The following ZNF778 variants were observed in gnomAD, a reference collection of about 807,000 sequenced individuals.
ZNF778 encodes zinc finger protein 778.
In ZNF778, 37 loss-of-function variants were observed where a neutral mutation model predicts 23.9. The ratio of observed to expected loss-of-function variants is 1.54; its 90% CI spans 1.19 to 2.03. ZNF778 has a LOEUF of 2.03. ZNF778 is among the 30% of genes most tolerant of loss of function. The pLI is 0.00. For missense variants in ZNF778, 1,297 were observed against 934.4 expected, an observed-to-expected ratio of 1.39 and a Z score of -5.06; for synonymous variants, 483 against 343.9, an observed-to-expected ratio of 1.40 and a Z score of -4.48.
At chr16:89,220,069 G>C (rs546394545) in intron 1 of ZNF778, among the ~76,000 whole-genome samples, 8 of 152,326 alleles carry the variant, frequency 5.3e-5, no homozygotes, top group Non-Finnish European at 1.0e-4. Context: ...CTGAGGGTCA[G>C]GTCCTCTGGG....
In ZNF778 at chr16:89,227,520, A is replaced by G. The variant is rs776923701; in HGVS notation, c.1232A>G (p.His411Arg). ...AGAAATTCCTCATGCCTTAATAATC[A>G]TGTTCGAATTCACACTGGAATAAAA... ...YFRNSSCLNN[H>R]VRIHTGIKPY... Residue 411 changes from histidine (H) to arginine (R), a missense_variant, in exon 7 of 7, where the codon CAT becomes CGT. His to Arg is a conservative substitution (Grantham distance 29). Coordinates refer to ENST00000433976, the MANE Select transcript of ZNF778 (RefSeq NM_001201407.2). The G allele has an allele frequency of 1.2e-6, 2 of 1,613,988 alleles. No individual in the cohort carries two copies. Among genetic ancestry groups the G allele is most frequent in the South Asian group, 1.1e-5 (1 of 91,074 alleles).
chr16:89,232,913 C>G lies in ZNF778; in HGVS notation c.*4351C>G. The G allele has an allele frequency of 1.6e-6, 2 of 1,280,312 alleles. No homozygotes were observed. The highest frequency in any genetic ancestry group is 1.0e-6 in the Non-Finnish European group (1 of 985,498). 79.3% of individuals were successfully genotyped at this position (1,280,312 alleles called of 1,614,324 possible). On this transcript the variant is annotated 3_prime_UTR_variant, in exon 7 of 7. Transcript: ENST00000433976. ...CTCGCACTGCGTATGCAACTCAACT[C>G]GCACTGCGTATGCGAATCCACTCAC... is the stretch of plus-strand genomic sequence containing the variant.
Position 89,230,203 on chromosome 16 carries a change from C to T in ZNF778, c.*1641C>T. 2.6e-6 allele frequency: 1 copy of T among 386,180 alleles called. No homozygotes were observed. Among genetic ancestry groups the T allele is most frequent in the Non-Finnish European group, 3.5e-6 (1 of 282,598 alleles). 23.9% of individuals were successfully genotyped at this position (386,180 alleles called of 1,614,324 possible). A position where few individuals can be genotyped will look rare whatever the true frequency, so the allele number is the denominator to read the frequency against. On this transcript the variant is annotated 3_prime_UTR_variant, in exon 7 of 7. Transcript: ENST00000433976. ...TACCTGATCCCTTCAGATAAAACAC[C>T]AGGGTGCAAGGAGGGGCAGAGTGGA...
rs2031511679 is a variant in ZNF778 at position 89,226,811 on chromosome 16, T to C, written c.523T>C (p.Ser175Pro). 6.2e-7 allele frequency: 1 copy of C among 1,614,008 alleles called. No individual in the cohort carries two copies. Among genetic ancestry groups the C allele is most frequent in the African/African-American group, 1.3e-5 (1 of 75,036 alleles). ...TCAAAATACAGGAGACAGTTGTGTG[T>C]CTAATCATTATGAAAGGGACTTTTT... ...RTQNTGDSCV[S>P]NHYERDFFIP... Residue 175 changes from serine to proline, a missense_variant, in exon 7 of 7, where the codon TCT becomes CCT. Coordinates refer to ENST00000433976, the MANE Select transcript of ZNF778 (RefSeq NM_001201407.2).
rs755623566 is a variant in ZNF778 at position 89,227,295 on chromosome 16, C to T, written c.1007C>T (p.Pro336Leu). Residue 336 changes from proline (P) to leucine (L), a missense_variant, in exon 7 of 7, where the codon CCC becomes CTC. Pro to Leu is a moderately conservative substitution (Grantham distance 98). Coordinates refer to ENST00000433976, the MANE Select transcript of ZNF778 (RefSeq NM_001201407.2). ...GTAAGAATTCATGCTGCAGAGAAAC[C>T]CTGTGAATGTAAAGAATGCGGAAAA... Reference protein sequence around the residue: ...QHVRIHAAEKPCECKECGKAF... With the variant: ...QHVRIHAAEKLCECKECGKAF... The T allele has an allele frequency of 6.2e-7, 1 of 1,613,864 alleles. No homozygotes were observed. The highest frequency in any genetic ancestry group is 1.7e-5 in the Admixed American group (1 of 60,012).
chr16:89,225,667 A>G (rs1434702795), intron 6 of ZNF778, 36 bp downstream of exon 6: 4 of 1,559,486 alleles, frequency 2.6e-6, no homozygotes, highest in East Asian at 4.5e-5. Flanking sequence ...TATTTATCAC[A>G]CTCATAAAAG....
rs992474922 is a variant in ZNF778 at position 89,229,320 on chromosome 16, T to C, written c.*758T>C. 7 of 982,604 alleles carry C rather than the reference T, an allele frequency of 7.1e-6. No homozygotes were observed. Among genetic ancestry groups the C allele is most frequent in the Non-Finnish European group, 7.2e-6 (6 of 829,556 alleles). The allele number at this position is 982,604 out of a possible 1,614,324, so 60.9% of individuals were successfully genotyped here. A position where few individuals can be genotyped will look rare whatever the true frequency, so the allele number is the denominator to read the frequency against. On this transcript the variant is annotated 3_prime_UTR_variant, in exon 7 of 7. Coordinates refer to ENST00000433976, the MANE Select transcript of ZNF778 (RefSeq NM_001201407.2). The stretch of plus-strand genomic sequence containing the variant: ...ATGTGATTCTGTGAGCAGTGTAAGC[T>C]CTGGTTGGTTAGTCTTCAGGATCCA...
intron 1 of ZNF778, among the ~76,000 whole-genome samples, chr16:89,218,872 C>T (rs1424367068): frequency 6.6e-6 from 1 of 152,118 alleles, no homozygotes; most frequent in African/African-American, 2.4e-5. Context: ...CTTTGGGAGG[C>T]CGAGGCGGGT....
At position 89,227,503 on chromosome 16, in the gene ZNF778, C is replaced by G. The variant is rs944767307; in HGVS notation, c.1215C>G (p.Ser405=). 3 of 1,613,682 alleles carry G rather than the reference C, an allele frequency of 1.9e-6. No homozygotes were observed. In the East Asian group the frequency reaches 6.7e-5, roughly 36 times the overall value. The change falls in exon 7 of 7, where the codon TCC becomes TCG. Residue 405 remains serine (S), a synonymous_variant. Coordinates refer to ENST00000433976, the MANE Select transcript of ZNF778 (RefSeq NM_001201407.2). ...CVVCGKYFRN[S]SCLNNHVRIH... The stretch of plus-strand genomic sequence containing the variant: ...TTTGCGGAAAATATTTTAGAAATTC[C>G]TCATGCCTTAATAATCATGTTCGAA...
In ZNF778 at chr16:89,234,259, A is replaced by G. The variant is rs2032170954; in HGVS notation, c.*5697A>G. On this transcript the variant is annotated 3_prime_UTR_variant, in exon 7 of 7. Coordinates refer to ENST00000433976, the MANE Select transcript of ZNF778 (RefSeq NM_001201407.2). ...ACATGTCTGTGACAAGGTCTTACCC[A>G]GCCCAGGGATTCTTGAACTATCTGT... is the stretch of plus-strand genomic sequence containing the variant. 1 of 351,108 alleles carries G rather than the reference A, an allele frequency of 2.8e-6. No individual in the cohort carries two copies. Among genetic ancestry groups the G allele is most frequent in the South Asian group, 2.2e-5 (1 of 46,252 alleles). The allele number at this position is 351,108 out of a possible 1,614,324, so 21.7% of individuals were successfully genotyped here. A position where few individuals can be genotyped will look rare whatever the true frequency, so the allele number is the denominator to read the frequency against.
At position 89,233,731 on chromosome 16, in the gene ZNF778, C is replaced by A. The variant is rs990926653; in HGVS notation, c.*5169C>A. ...AACTCACTGCGTATGCAACTCAACTCGCACTGCATATGCAACTCAACTCGC... is the reference window on the plus strand; with the variant it reads ...AACTCACTGCGTATGCAACTCAACTAGCACTGCATATGCAACTCAACTCGC... On this transcript the variant is annotated 3_prime_UTR_variant, in exon 7 of 7. Transcript: ENST00000433976. The A allele has an allele frequency of 9.6e-5, 98 of 1,017,386 alleles. 6 individuals are homozygous for A. Among genetic ancestry groups the A allele is most frequent in the Non-Finnish European group, 1.1e-4 (89 of 806,278 alleles). 63.0% of individuals were successfully genotyped at this position (1,017,386 alleles called of 1,614,324 possible).
chr16:89,222,625 A>G (rs886424929), intron 3 of ZNF778, among the ~76,000 whole-genome samples: 2 of 152,224 alleles, frequency 1.3e-5, no homozygotes, highest in East Asian at 3.8e-4. Flanking sequence ...TGGCCTCCCA[A>G]AGGGCTGGGA....
Position 89,231,851 on chromosome 16 carries a change from T to G in ZNF778, c.*3289T>G, listed in dbSNP as rs1164825006. The G allele has an allele frequency of 6.6e-6, 1 of 152,258 alleles. No homozygotes were observed. Among genetic ancestry groups the G allele is most frequent in the Non-Finnish European group, 1.5e-5 (1 of 68,074 alleles). The allele number at this position is 152,258 out of a possible 1,614,324, so 9.4% of individuals were successfully genotyped here. On this transcript the variant is annotated 3_prime_UTR_variant, in exon 7 of 7. Transcript: ENST00000433976. ...ATCTCATCTCCTTACTCCCTTGACT[T>G]GGCTTCACACAGAGCCTCTTCTTTA...
At chr16:89,221,297 G>A (rs1461521014) in intron 2 of ZNF778, 145 bp downstream of exon 2, 4 of 917,120 alleles carry the variant, frequency 4.4e-6, no homozygotes, top group South Asian at 1.6e-5. Flanking sequence ...ATGCTGACCT[G>A]TAAGTCAGCC....
At position 89,232,460 on chromosome 16, in the gene ZNF778, G is replaced by C. The variant is rs575055440; in HGVS notation, c.*3898G>C. 47 of 377,102 alleles carry C rather than the reference G, an allele frequency of 1.2e-4. No individual in the cohort carries two copies. Among genetic ancestry groups the C allele is most frequent in the African/African-American group, 8.9e-4 (42 of 47,358 alleles). 23.4% of individuals were successfully genotyped at this position (377,102 alleles called of 1,614,324 possible). On this transcript the variant is annotated 3_prime_UTR_variant, in exon 7 of 7. Transcript: ENST00000433976. ...AGACACCAAGCATGATGGAAAACTG[G>C]GTTATGGGCAGGACTGCAAGTACTG...
Position 89,227,462 on chromosome 16 carries a change from C to A in ZNF778, c.1174C>A (p.Pro392Thr), listed in dbSNP as rs370996958. 3 of 1,613,712 alleles carry A rather than the reference C, an allele frequency of 1.9e-6. No individual in the cohort carries two copies. The African/African-American group carries it at 4.0e-5, about 22-fold the overall frequency. Residue 392 changes from proline to threonine, a missense_variant, in exon 7 of 7, where the codon CCC (proline) becomes ACC (threonine). Transcript: ENST00000433976. ...EHGKTHTREK[P>T]FACVVCGKYF... ...TGGAAAAACTCACACGAGGGAGAAG[C>A]CCTTTGCATGTGTGGTTTGCGGAAA...
chr16:89,229,029 G>C lies in ZNF778; in HGVS notation c.*467G>C, dbSNP rs1359611363. On this transcript the variant is annotated 3_prime_UTR_variant, in exon 7 of 7. Transcript: ENST00000433976. ...TCTAAAACCTTGTGGGCTAACTTGA[G>C]ACATGTCTTTCTGGGGGTTCTGTAG... 2.0e-6 allele frequency: 2 copies of C among 991,518 alleles called. No homozygotes were observed. The highest frequency in any genetic ancestry group is 2.4e-6 in the Non-Finnish European group (2 of 833,950). The allele number at this position is 991,518 out of a possible 1,614,324, so 61.4% of individuals were successfully genotyped here.
chr16:89,224,950 A>T (rs2031333801), intron 5 of ZNF778, 148 bp downstream of exon 5: 1 of 600,298 alleles, frequency 1.7e-6, no homozygotes, highest in Non-Finnish European at 3.0e-6. Context: ...CTGTGGAAGA[A>T]TCCTGAGTGC....
intron 1 of ZNF778, chr16:89,218,269 C>T (rs541108576): frequency 9.9e-5 from 15 of 152,204 alleles, no homozygotes; most frequent in Non-Finnish European, 1.3e-4. Context: ...AAAATGTGAA[C>T]ATCTGCTACA....
Sources: gnomAD v4.1 joint callset for allele counts (sites outside exome capture counted in the v4.1 genomes callset) on GRCh38, gnomAD v4.1.1 for gene constraint, MANE v1.5 for transcripts, NCBI Gene and HGNC (gene_info 2026-07-23, HGNC 2026-07-21) for gene names.